Variants in DAZAP1 observed in about 807,000 individuals in gnomAD.
The protein encoded by DAZAP1 is DAZ-associated protein 1.
A neutral mutation model predicts 60.1 loss-of-function variants in DAZAP1; 6 were observed. The observed-to-expected ratio is 0.10, with a 90% CI of 0.05 to 0.20. DAZAP1 has a LOEUF of 0.20. Among genes scored for constraint, DAZAP1 ranks in the 10% least tolerant of loss-of-function variants. The probability of loss-of-function intolerance (pLI) is 1.00; values close to 1 mark genes in which losing one functional copy is unlikely to be tolerated. For missense variants in DAZAP1, 366 were observed against 560.4 expected (o/e 0.65, Z 3.50); for synonymous variants, 235 against 215.9 (o/e 1.09, Z -0.78).
chr19:1,421,384 C>G, intron 5 of DAZAP1, 126 bp downstream of exon 5: 1 of 773,258 alleles, frequency 1.3e-6, no homozygotes, highest in Non-Finnish European at 2.1e-6. Context: ...AGCTCGCTGT[C>G]TCGTATTTCC....
Position 1,421,182 on chromosome 19 carries a change from A to G in DAZAP1, c.338A>G (p.Asn113Ser), listed in dbSNP as rs1205243811. Residue 113 changes from asparagine (N) to serine (S), a missense_variant, in exon 5 of 12, where the codon AAT (asparagine) becomes AGT (serine). Asn to Ser is a conservative substitution (Grantham distance 46, BLOSUM62 1). This residue lies in a region of DAZAP1 where 98 missense variants were observed against 155.3 expected (regional missense o/e 0.63). Coordinates refer to ENST00000233078, the MANE Select transcript of DAZAP1 (RefSeq NM_018959.4). ...KGPRSDNSKS[N>S]KIFVGGIPHN... ...CCCAGGAGCGATAACAGTAAATCAA[A>G]TAAGATATTTGTCGGTGGAATTCCT... 3.1e-6 allele frequency: 5 copies of G among 1,614,124 alleles called. No individual in the cohort carries two copies. Among genetic ancestry groups the G allele is most frequent in the East Asian group, 2.2e-5 (1 of 44,894 alleles).
chr19:1,430,299 C>A lies in DAZAP1; in HGVS notation c.808C>A (p.Pro270Thr). 1 of 1,560,470 alleles carries A rather than the reference C, an allele frequency of 6.4e-7. No individual in the cohort carries two copies. ...GTTCACCTCCTACATCGTGTCCACC[C>A]CTCCTGGAGGCTTTCCCCCTCCCCA... ...PPFTSYIVST[P>T]PGGFPPPQGF... The change falls in exon 10 of 12, where the codon CCT (proline) becomes ACT (threonine). Residue 270 changes from proline to threonine, a missense_variant. Around this residue, in one of 3 missense-constraint regions of DAZAP1, gnomAD observed 240 missense variants for 308.8 expected, o/e 0.78. Coordinates refer to ENST00000233078, the MANE Select transcript of DAZAP1 (RefSeq NM_018959.4).
rs540199934 is a variant in DAZAP1 at position 1,425,384 on chromosome 19, A to T, written c.464-494A>T. The stretch of plus-strand genomic sequence containing the variant: ...AGAAGCATACACACATCCACGGTGC[A>T]CACCCCTGACTAAGATGGCGCATTC... On this transcript the variant is annotated intron_variant, in intron 6 of 11. Transcript: ENST00000233078. The surrounding 1 kb of genome is among the most constrained non-coding windows in gnomAD (Gnocchi z 5.4). Among the ~76,000 whole-genome samples the T allele has an allele frequency of 6.6e-6, 1 of 152,300 alleles. No homozygotes were observed. The highest frequency in any genetic ancestry group is 2.1e-4 in the South Asian group (1 of 4,822).
chr19:1,419,846 C>T (rs2083097042), intron 4 of DAZAP1, among the ~76,000 whole-genome samples: 1 of 147,044 alleles, frequency 6.8e-6, no homozygotes, highest in South Asian at 2.2e-4. Flanking sequence ...CGCACACACT[C>T]GTGAAACCAT....
rs562534586 is a variant in DAZAP1, at chr19:1,434,444, C to T, written c.1049-293C>T. Reference sequence around the variant, plus strand: ...GAGGCTTCTCTACCTCCCCTCACCCCCCCAACCACGTCTTCGGGATTGAAC... The same window carrying T: ...GAGGCTTCTCTACCTCCCCTCACCCTCCCAACCACGTCTTCGGGATTGAAC... On this transcript the variant is annotated intron_variant, in intron 11 of 11. Transcript: ENST00000233078. This position sits in a 1 kb window ranked among gnomAD's most constrained non-coding sequence, Gnocchi z 8.0. The T allele has an allele frequency of 2.2e-4, 81 of 367,206 alleles. No individual in the cohort carries two copies. The highest frequency in any genetic ancestry group is 1.7e-3 in the African/African-American group (77 of 46,478). 22.7% of individuals were successfully genotyped at this position (367,206 alleles called of 1,614,324 possible).
At chr19:1,411,393 G>T (rs1339047231) in intron 1 of DAZAP1, among the ~76,000 whole-genome samples, 2 of 152,208 alleles carry the variant, frequency 1.3e-5, no homozygotes, top group African/African-American at 4.8e-5. Flanking sequence ...TGTCCTGCTG[G>T]GGGGAGAGCC....
rs2083053658 is a variant in DAZAP1, at chr19:1,418,519, T to G, written c.238-147T>G. 7 of 1,426,198 alleles carry G rather than the reference T, an allele frequency of 4.9e-6. No individual in the cohort carries two copies. The highest frequency in any genetic ancestry group is 6.9e-6 in the Non-Finnish European group (7 of 1,018,078). The allele number at this position is 1,426,198 out of a possible 1,614,324, so 88.3% of individuals were successfully genotyped here. On this transcript the variant is annotated intron_variant, in intron 3 of 11. Coordinates refer to ENST00000233078, the MANE Select transcript of DAZAP1 (RefSeq NM_018959.4). This position sits in a 1 kb window ranked among gnomAD's most constrained non-coding sequence, Gnocchi z 5.7. ...AAGGATTAAGCCTTGGTGCTGAGGC[T>G]GGATATTGCAGGAGGATACAGGGTG... is the stretch of plus-strand genomic sequence containing the variant.
At chr19:1,430,054 G>GC (rs1195275736) in intron 9 of DAZAP1, 58 bp downstream of exon 9, 3 of 1,579,798 alleles carry the variant, frequency 1.9e-6, no homozygotes, top group Non-Finnish European at 2.6e-6. Context: ...AGGCTGACTC[G>GC]CCAGGTGTCC....
In DAZAP1 at chr19:1,433,708, G is replaced by T. The variant is rs371332220; in HGVS notation, c.1048+1018G>T. On this transcript the variant is annotated intron_variant, in intron 11 of 11. Transcript: ENST00000233078. This position sits in a 1 kb window ranked among gnomAD's most constrained non-coding sequence, Gnocchi z 6.1. ...CGCTGCTCTTGGTGGCGGCTGCTTG[G>T]GTTGGTCACCCTGGTCTCGTCTCTT... 3 of 1,594,746 alleles carry T rather than the reference G, an allele frequency of 1.9e-6. No homozygotes were observed. Among genetic ancestry groups the T allele is most frequent in the South Asian group, 2.2e-5 (2 of 90,642 alleles).
chr19:1,428,603 C>T lies in DAZAP1; in HGVS notation c.547-239C>T. ...CCTGCTGCCCCGCAGTGGGCGGGCT[C>T]TGTGTGTCTTACGGTTGCATCTGTT... On this transcript the variant is annotated intron_variant, in intron 7 of 11. Coordinates refer to ENST00000233078, the MANE Select transcript of DAZAP1 (RefSeq NM_018959.4). The surrounding 1 kb of genome is among the most constrained non-coding windows in gnomAD (Gnocchi z 4.0). The T allele has an allele frequency of 2.0e-6, 1 of 506,618 alleles. No individual in the cohort carries two copies. Among genetic ancestry groups the T allele is most frequent in the Admixed American group, 3.8e-5 (1 of 26,118 alleles). 31.4% of individuals were successfully genotyped at this position (506,618 alleles called of 1,614,324 possible). A position where few individuals can be genotyped will look rare whatever the true frequency, so the allele number is the denominator to read the frequency against.
chr19:1,428,677 T>C lies in DAZAP1; in HGVS notation c.547-165T>C. 1 of 884,606 alleles carries C rather than the reference T, an allele frequency of 1.1e-6. No individual in the cohort carries two copies. Among genetic ancestry groups the C allele is most frequent in the Non-Finnish European group, 1.7e-6 (1 of 596,342 alleles). The allele number at this position is 884,606 out of a possible 1,614,324, so 54.8% of individuals were successfully genotyped here. A position where few individuals can be genotyped will look rare whatever the true frequency, so the allele number is the denominator to read the frequency against. Reference sequence around the variant, plus strand: ...CAAAAAAATTCAACACAAAAGAATTTTTTAAGAAAAAAATGCTACTGGCCT... The same window carrying C: ...CAAAAAAATTCAACACAAAAGAATTCTTTAAGAAAAAAATGCTACTGGCCT... On this transcript the variant is annotated intron_variant, in intron 7 of 11. Coordinates refer to ENST00000233078, the MANE Select transcript of DAZAP1 (RefSeq NM_018959.4). The surrounding 1 kb of genome is among the most constrained non-coding windows in gnomAD (Gnocchi z 4.0).
At chr19:1,424,026 G>T (rs991732304) in intron 6 of DAZAP1, among the ~76,000 whole-genome samples, 1 of 152,176 alleles carries the variant, frequency 6.6e-6, no homozygotes, top group Admixed American at 6.5e-5. Flanking sequence ...CAGAGAGTGT[G>T]TCCCCTTCCC....
In DAZAP1 at chr19:1,434,051, G is replaced by A; in HGVS notation, c.1049-686G>A. 7.0e-6 allele frequency: 4 copies of A among 574,780 alleles called. No individual in the cohort carries two copies. Among genetic ancestry groups the A allele is most frequent in the Non-Finnish European group, 9.3e-6 (3 of 321,602 alleles). 35.6% of individuals were successfully genotyped at this position (574,780 alleles called of 1,614,324 possible). On this transcript the variant is annotated intron_variant, in intron 11 of 11. Coordinates refer to ENST00000233078, the MANE Select transcript of DAZAP1 (RefSeq NM_018959.4). The surrounding 1 kb of genome is among the most constrained non-coding windows in gnomAD (Gnocchi z 8.0). ...CGTGCACCCGAATGGGAACCCAGAG[G>A]TCGTGGGAGGGGCTTCCTGCAAGGT... is the stretch of plus-strand genomic sequence containing the variant.
At chr19:1,413,247 C>T (rs1029777378) in intron 1 of DAZAP1, among the ~76,000 whole-genome samples, 1 of 152,234 alleles carries the variant, frequency 6.6e-6, no homozygotes, top group Non-Finnish European at 1.5e-5. Flanking sequence ...TTGGCCTCTG[C>T]CCGCGCCCGG....
intron 7 of DAZAP1, chr19:1,427,622 C>T (rs1442623323): frequency 2.0e-5 from 3 of 152,258 alleles, no homozygotes; most frequent in Non-Finnish European, 4.4e-5. Flanking sequence ...GACCGCTCTG[C>T]TTTGTAAGCA....
rs1246670087 is a variant in DAZAP1, at chr19:1,432,115, T to G, written c.872-399T>G. On this transcript the variant is annotated intron_variant, in intron 10 of 11. Coordinates refer to ENST00000233078, the MANE Select transcript of DAZAP1 (RefSeq NM_018959.4). This position sits in a 1 kb window ranked among gnomAD's most constrained non-coding sequence, Gnocchi z 4.9. ...AGCATGACAGTCCCTTCCAAGCACG[T>G]CAGGATGCTCCCTTGCCTGTGCTGG... 1 of 228,908 alleles carries G rather than the reference T, an allele frequency of 4.4e-6. No homozygotes were observed. The highest frequency in any genetic ancestry group is 8.7e-6 in the Non-Finnish European group (1 of 114,458). 14.2% of individuals were successfully genotyped at this position (228,908 alleles called of 1,614,324 possible). A position where few individuals can be genotyped will look rare whatever the true frequency, so the allele number is the denominator to read the frequency against.
At chr19:1,431,675 A>G (rs2083456263) in intron 10 of DAZAP1, among the ~76,000 whole-genome samples, 1 of 152,196 alleles carries the variant, frequency 6.6e-6, no homozygotes, top group East Asian at 1.9e-4. Context: ...CGCATCCAGA[A>G]TTTTAGACGG....
At position 1,428,765 on chromosome 19, in the gene DAZAP1, T is replaced by G; in HGVS notation, c.547-77T>G. The G allele has an allele frequency of 6.4e-7, 1 of 1,555,946 alleles. No homozygotes were observed. The highest frequency in any genetic ancestry group is 8.8e-7 in the Non-Finnish European group (1 of 1,141,528). ...TAAGATGCTAAGTGTAGTCATAAGT[T>G]ACCCGAGGGTGTGTCTAAAGGGAAG... is the stretch of plus-strand genomic sequence containing the variant. On this transcript the variant is annotated intron_variant, in intron 7 of 11. Transcript: ENST00000233078. The surrounding 1 kb of genome is among the most constrained non-coding windows in gnomAD (Gnocchi z 4.0).
rs1279611420 is a variant in DAZAP1, at chr19:1,423,842, T to TGTCCC, written c.463+1449_463+1453dup. ...CGCCCCTTCTCCTCGCGTCCTGTCC[T>TGTCCC]GTCCCGTGTGGACGGGACGTGGCGA... On this transcript the variant is annotated intron_variant, in intron 6 of 11. Coordinates refer to ENST00000233078, the MANE Select transcript of DAZAP1 (RefSeq NM_018959.4). This position sits in a 1 kb window ranked among gnomAD's most constrained non-coding sequence, Gnocchi z 6.8. Among the ~76,000 whole-genome samples the TGTCCC allele has an allele frequency of 2.0e-5, 3 of 152,180 alleles. No individual in the cohort carries two copies. Among genetic ancestry groups the TGTCCC allele is most frequent in the Non-Finnish European group, 4.4e-5 (3 of 68,010 alleles).
Sources: gnomAD v4.1 joint callset for allele counts (sites outside exome capture counted in the v4.1 genomes callset) on GRCh38, gnomAD v4.1.1 for gene constraint, gnomAD v4.1.1 regional missense constraint, Gnocchi (gnomAD v3.1) non-coding constraint, MANE v1.5 for transcripts, NCBI Gene and HGNC (gene_info 2026-07-23, HGNC 2026-07-21) for gene names.